Variants in LYRM4 observed in about 807,000 individuals in gnomAD.
LYRM4 encodes LYR motif containing 4.
Under a neutral mutation model 11.7 loss-of-function variants are expected in LYRM4, and 9 were observed. The observed-to-expected ratio is 0.77, with a 90% CI of 0.46 to 1.34. The LOEUF is 1.34. Among genes scored for constraint, LYRM4 ranks in the 40% most tolerant of loss-of-function variants. The probability of loss-of-function intolerance (pLI) is 0.00; values close to 1 mark genes in which losing one functional copy is unlikely to be tolerated. For missense variants in LYRM4, 133 were observed against 112.5 expected, an observed-to-expected ratio of 1.18 and a Z score of -0.82; for synonymous variants, 42 against 40.4, an observed-to-expected ratio of 1.04 and a Z score of -0.15.
At chr6:5,158,563 A>C (rs1227090231) in intron 2 of LYRM4, among the ~76,000 whole-genome samples, 1 of 151,618 alleles carries the variant, frequency 6.6e-6, no homozygotes, top group Admixed American at 6.6e-5. Context: ...TGCAGCCTCA[A>C]ACTCTTGGGC....
intron 2 of LYRM4, among the ~76,000 whole-genome samples, chr6:5,200,976 T>G (rs1345977342): frequency 1.3e-5 from 2 of 152,202 alleles, no homozygotes; most frequent in Admixed American, 6.5e-5. Flanking sequence ...AAATTCCAAG[T>G]GTACTGTAAT....
the LYRM4 span, among the ~76,000 whole-genome samples, chr6:5,074,397 C>CTTTT: frequency 3.9e-5 from 3 of 76,734 alleles, no homozygotes; most frequent in African/African-American, 5.1e-5. Context: ...AGCACAGGTA[C>CTTTT]TTTTTTTTTT....
At chr6:5,199,178 G>C (rs1270705379) in intron 2 of LYRM4, among the ~76,000 whole-genome samples, 2 of 152,356 alleles carry the variant, frequency 1.3e-5, no homozygotes, top group Non-Finnish European at 2.9e-5. Context: ...CAAATGAATG[G>C]ATAAAATGTA....
Position 5,148,471 on chromosome 6 carries a change from TGAGG to T in LYRM4, c.208-38984_208-38981del, listed in dbSNP as rs1757880663. The T allele has an allele frequency of 1.8e-5, 3 of 164,380 alleles. No homozygotes were observed. In the South Asian group the frequency reaches 3.2e-4, roughly 17 times the overall value. The allele number at this position is 164,380 out of a possible 1,614,324, so 10.2% of individuals were successfully genotyped here. A position where few individuals can be genotyped will look rare whatever the true frequency, so the allele number is the denominator to read the frequency against. On this transcript the variant is annotated intron_variant, in intron 2 of 2. Coordinates refer to ENST00000330636, the MANE Select transcript of LYRM4 (RefSeq NM_020408.6). ...TCTGAATCGTAATCCTGAGCTGGGC[TGAGG>T]GGGCAGAGTTAGAACTCTGTATCGT...
At chr6:5,077,427 C>T in the LYRM4 span, among the ~76,000 whole-genome samples, 1 of 152,244 alleles carries the variant, frequency 6.6e-6, no homozygotes, top group Non-Finnish European at 1.5e-5. Context: ...GGACCTGCTC[C>T]GGGTGATGAT....
the LYRM4 span, among the ~76,000 whole-genome samples, chr6:5,073,504 AT>A: frequency 6.7e-6 from 1 of 148,180 alleles, no homozygotes; most frequent in Non-Finnish European, 1.5e-5. Flanking sequence ...ATCTCTATAT[AT>A]ATCTCTCTAT....
At chr6:5,206,014 C>T (rs1761675068) in intron 2 of LYRM4, among the ~76,000 whole-genome samples, 2 of 152,206 alleles carry the variant, frequency 1.3e-5, no homozygotes, top group African/African-American at 4.8e-5. Context: ...CATTACATAA[C>T]TCAGCATTAC....
At chr6:5,074,012 T>C in the LYRM4 span, among the ~76,000 whole-genome samples, 1,301 of 152,190 alleles carry the variant, frequency 8.5e-3, 15 homozygotes, top group African/African-American at 0.025. Context: ...CACCAATGCC[T>C]CAGCTAGACA....
At chr6:5,042,302 A>G in the LYRM4 span, among the ~76,000 whole-genome samples, 1 of 152,302 alleles carries the variant, frequency 6.6e-6, no homozygotes, top group Admixed American at 6.5e-5. Flanking sequence ...TGATGTTTAA[A>G]AAAATAAAAA....
intron 1 of LYRM4, among the ~76,000 whole-genome samples, chr6:5,242,407 C>T (rs1425912902): frequency 3.3e-5 from 5 of 150,620 alleles, no homozygotes; most frequent in Non-Finnish European, 3.0e-5. Context: ...CTACTCTAGG[C>T]AAAGCCAGTG....
At chr6:5,069,356 T>A in the LYRM4 span, among the ~76,000 whole-genome samples, 1 of 144,524 alleles carries the variant, frequency 6.9e-6, no homozygotes, top group Non-Finnish European at 1.5e-5. Context: ...GTAATAAACA[T>A]CTACATGTTA....
chr6:5,156,559 C>A (rs1397851480), intron 2 of LYRM4, among the ~76,000 whole-genome samples: 3 of 152,212 alleles, frequency 2.0e-5, no homozygotes, highest in African/African-American at 7.2e-5. Flanking sequence ...TGTGGAATGG[C>A]CGGGGCTGCC....
intron 2 of LYRM4, among the ~76,000 whole-genome samples, chr6:5,167,782 G>A (rs1372584466): frequency 6.6e-6 from 1 of 152,150 alleles, no homozygotes; most frequent in Non-Finnish European, 1.5e-5. Context: ...CATTTCTAGA[G>A]AAATACATTG....
intron 2 of LYRM4, among the ~76,000 whole-genome samples, chr6:5,120,675 C>CT (rs1763408982): frequency 6.6e-6 from 1 of 152,106 alleles, no homozygotes; most frequent in Admixed American, 6.5e-5. Flanking sequence ...TTACAGGGTG[C>CT]TGATTGGTCC....
chr6:5,063,033 G>T, the LYRM4 span, among the ~76,000 whole-genome samples: 1 of 152,120 alleles, frequency 6.6e-6, no homozygotes, highest in Non-Finnish European at 1.5e-5. Context: ...GGGTCTGCTC[G>T]TTCACAAAGC....
At chr6:5,133,129 C>T (rs1199823585) in intron 2 of LYRM4, among the ~76,000 whole-genome samples, 1 of 152,160 alleles carries the variant, frequency 6.6e-6, no homozygotes, top group Non-Finnish European at 1.5e-5. Flanking sequence ...GCCACTTGTC[C>T]CCGTGCTGCC....
chr6:5,199,724 G>A (rs1761277873), intron 2 of LYRM4, among the ~76,000 whole-genome samples: 3 of 152,304 alleles, frequency 2.0e-5, no homozygotes, highest in African/African-American at 4.8e-5. Flanking sequence ...AAAAAAGTTG[G>A]TGTTCTGGTC....
At chr6:5,210,201 G>A (rs1214931209) in intron 2 of LYRM4, among the ~76,000 whole-genome samples, 4 of 152,144 alleles carry the variant, frequency 2.6e-5, no homozygotes, top group African/African-American at 9.7e-5. Flanking sequence ...AGGAAAACCA[G>A]GCATAGAGTA....
intron 2 of LYRM4, among the ~76,000 whole-genome samples, chr6:5,123,091 C>A (rs927062542): frequency 2.6e-5 from 4 of 152,220 alleles, no homozygotes; most frequent in Admixed American, 2.6e-4. Context: ...TGTCTCCCCC[C>A]ACCCAGAAGT....
Sources: gnomAD v4.1 joint callset for allele counts (sites outside exome capture counted in the v4.1 genomes callset) on GRCh38, gnomAD v4.1.1 for gene constraint, MANE v1.5 for transcripts, NCBI Gene and HGNC (gene_info 2026-07-23, HGNC 2026-07-21) for gene names.